TRPM6: variants seen among roughly 807,000 people sequenced by gnomAD.
TRPM6 encodes channel kinase 2.
TRPM6 carries 111 observed loss-of-function variants against 247.6 expected under a neutral mutation model. The ratio of observed to expected loss-of-function variants is 0.45; its 90% CI spans 0.38 to 0.52. TRPM6 has a LOEUF of 0.52. Ranked by LOEUF, TRPM6 falls within the 20% of genes least tolerant of loss-of-function variation. The probability of loss-of-function intolerance (pLI) is 0.00; values close to 1 mark genes in which losing one functional copy is unlikely to be tolerated. For missense variants in TRPM6, 2,126 were observed against 2,421.5 expected, an observed-to-expected ratio of 0.88 and a Z score of 2.56; for synonymous variants, 892 against 853.8, an observed-to-expected ratio of 1.04 and a Z score of -0.78.
chr9:74,863,169 C>A (rs1415026855), intron 1 of TRPM6, among the ~76,000 whole-genome samples: 20 of 151,488 alleles, frequency 1.3e-4, no homozygotes, highest in Admixed American at 1.1e-3. Context: ...GCCTCAGTCT[C>A]CCAAGTAGCT....
intron 1 of TRPM6, among the ~76,000 whole-genome samples, chr9:74,883,250 T>G (rs1831421997): frequency 6.6e-6 from 1 of 152,226 alleles, no homozygotes; most frequent in South Asian, 2.1e-4. Context: ...ATTTTGTTTA[T>G]CCATCCAGAA....
chr9:74,767,075 C>G (rs1205868974), intron 25 of TRPM6, among the ~76,000 whole-genome samples: 1 of 152,008 alleles, frequency 6.6e-6, no homozygotes, highest in Non-Finnish European at 1.5e-5. Context: ...TTGGGGTTTC[C>G]TAGAGTACCA....
At position 74,806,837 on chromosome 9, in the gene TRPM6, A is replaced by G. The variant is rs538414014; in HGVS notation, c.1638+1197T>C. ...GCTTGTAACTACTACAGTCTAGTTT[A>G]ATATGACACACAATAAACTCTGCAC... On this transcript the variant is annotated intron_variant, in intron 14 of 38. Coordinates refer to ENST00000360774, the MANE Select transcript of TRPM6 (RefSeq NM_017662.5). Among the ~76,000 whole-genome samples the G allele has an allele frequency of 1.5e-3, 225 of 152,324 alleles. 1 individual carries two copies. Among genetic ancestry groups the G allele is most frequent in the Non-Finnish European group, 1.5e-3 (100 of 68,024 alleles).
At chr9:74,835,943 C>G (rs1274067880) in intron 5 of TRPM6, among the ~76,000 whole-genome samples, 1 of 152,064 alleles carries the variant, frequency 6.6e-6, no homozygotes, top group Non-Finnish European at 1.5e-5. Flanking sequence ...ATTGATGACC[C>G]TACATTATAG....
chr9:74,848,559 G>T (rs1007927012), intron 3 of TRPM6, among the ~76,000 whole-genome samples: 2 of 152,098 alleles, frequency 1.3e-5, no homozygotes, highest in Non-Finnish European at 2.9e-5. Context: ...ACAATGGAAG[G>T]TAAAATGGCA....
chr9:74,808,501 A>T (rs2117868334), intron 13 of TRPM6, among the ~76,000 whole-genome samples: 1 of 152,338 alleles, frequency 6.6e-6, no homozygotes, highest in South Asian at 2.1e-4. Flanking sequence ...AATACATTTA[A>T]ATATTTTTTA....
chr9:74,818,925 T>C (rs1829047665), intron 9 of TRPM6, among the ~76,000 whole-genome samples: 1 of 152,096 alleles, frequency 6.6e-6, no homozygotes, highest in South Asian at 2.1e-4. Flanking sequence ...TGCTCCAGCC[T>C]TCAGATTCTA....
At chr9:74,837,748 CT>C (rs3056761) in intron 5 of TRPM6, among the ~76,000 whole-genome samples, 11,464 of 137,032 alleles carry the variant, frequency 0.084, 979 homozygotes, top group African/African-American at 0.23. Context: ...GCCCGGCCCC[CT>C]TTTTTTTTTT....
intron 9 of TRPM6, among the ~76,000 whole-genome samples, chr9:74,817,165 A>C (rs1326764435): frequency 6.6e-6 from 1 of 152,196 alleles, no homozygotes. Context: ...AAAACTAAAA[A>C]TTCCACATAT....
At chr9:74,750,801 C>T (rs1327638035) in intron 29 of TRPM6, 79 bp from the exon 30 acceptor site, 8 of 1,274,880 alleles carry the variant, frequency 6.3e-6, no homozygotes, top group African/African-American at 5.9e-5. Flanking sequence ...CTGCCAAACA[C>T]GCTCCTTGGA....
chr9:74,884,969 C>T (rs1487594083), intron 1 of TRPM6, among the ~76,000 whole-genome samples: 3 of 152,290 alleles, frequency 2.0e-5, no homozygotes, highest in African/African-American at 7.2e-5. Context: ...AGCTGTGCAT[C>T]AAACATCAAG....
intron 6 of TRPM6, among the ~76,000 whole-genome samples, chr9:74,833,169 G>A (rs990812269): frequency 2.0e-5 from 3 of 152,032 alleles, no homozygotes; most frequent in Non-Finnish European, 2.9e-5. Context: ...AATCAGTTCT[G>A]TTACTATTTT....
intron 4 of TRPM6, among the ~76,000 whole-genome samples, chr9:74,841,357 T>G (rs1829932559): frequency 1.3e-5 from 2 of 152,228 alleles, no homozygotes; most frequent in East Asian, 1.9e-4. Context: ...TAAGCCAGAT[T>G]TACAGGAAGA....
At chr9:74,763,203 C>T (rs2118845025) in intron 25 of TRPM6, 69 bp from the exon 26 acceptor site, 3 of 1,473,270 alleles carry the variant, frequency 2.0e-6, no homozygotes, top group Admixed American at 3.4e-5. Context: ...TCTTCCTACC[C>T]TACTTCCATC....
intron 27 of TRPM6, among the ~76,000 whole-genome samples, chr9:74,761,235 A>G (rs1826616409): frequency 6.6e-6 from 1 of 152,212 alleles, no homozygotes; most frequent in East Asian, 1.9e-4. Flanking sequence ...CACTTACCAT[A>G]TGACTCTGAC....
chr9:74,795,609 A>G (rs1241297790), intron 18 of TRPM6, among the ~76,000 whole-genome samples: 1 of 152,114 alleles, frequency 6.6e-6, no homozygotes, highest in South Asian at 2.1e-4. Context: ...ACACCAACCC[A>G]ATCATAAAAC....
chr9:74,759,475 A>G (rs1028679041), intron 27 of TRPM6, among the ~76,000 whole-genome samples: 1 of 152,182 alleles, frequency 6.6e-6, no homozygotes, highest in East Asian at 1.9e-4. Context: ...CAGAAAAAAG[A>G]TATCTTCTAT....
At chr9:74,841,931 T>C (rs1829951364) in intron 4 of TRPM6, among the ~76,000 whole-genome samples, 1 of 152,048 alleles carries the variant, frequency 6.6e-6, no homozygotes, top group East Asian at 1.9e-4. Context: ...AACCTGTTAG[T>C]AGAAACCCCG....
chr9:74,761,616 A>G (rs1390829130), intron 27 of TRPM6, 80 bp downstream of exon 27: 1 of 857,660 alleles, frequency 1.2e-6, no homozygotes, highest in Non-Finnish European at 2.0e-6. Flanking sequence ...ATGGCACTTT[A>G]CAGTAAAGAT....
Sources: gnomAD v4.1 joint callset for allele counts (sites outside exome capture counted in the v4.1 genomes callset) on GRCh38, gnomAD v4.1.1 for gene constraint, MANE v1.5 for transcripts, NCBI Gene and HGNC (gene_info 2026-07-23, HGNC 2026-07-21) for gene names.